The following CSMD1 variants were observed in gnomAD, a reference collection of about 807,000 sequenced individuals.
The protein encoded by CSMD1 is CUB and sushi domain-containing protein 1.
Under a neutral mutation model 417.5 loss-of-function variants are expected in CSMD1, and 213 were observed. The observed-to-expected ratio is 0.51, with a 90% confidence interval of 0.46 to 0.57. CSMD1 has a LOEUF of 0.57. Ranked by LOEUF, CSMD1 falls within the 20% of genes least tolerant of loss-of-function variation. The pLI is 0.00. For missense variants in CSMD1, 6,923 were observed against 4,529.7 expected, an observed-to-expected ratio of 1.53 and a Z score of -15.17; for synonymous variants, 2,862 against 1,736.8, an observed-to-expected ratio of 1.65 and a Z score of -16.11.
intron 10 of CSMD1, among the ~76,000 whole-genome samples, chr8:3,567,162 G>A (rs540892134): frequency 1.4e-4 from 21 of 152,222 alleles, no homozygotes; most frequent in African/African-American, 5.1e-4. Context: ...GCAAACTAGC[G>A]CAGCAGCAGA....
At chr8:3,032,549 C>T (rs944227834) in intron 50 of CSMD1, among the ~76,000 whole-genome samples, 4 of 151,996 alleles carry the variant, frequency 2.6e-5, no homozygotes, top group African/African-American at 9.7e-5. Context: ...CTGTGACTCT[C>T]GCGAGAGGGT....
At chr8:3,985,803 T>A (rs1033612351) in intron 5 of CSMD1, among the ~76,000 whole-genome samples, 3 of 151,340 alleles carry the variant, frequency 2.0e-5, no homozygotes, top group Non-Finnish European at 4.4e-5. Context: ...TCGCCCAGAT[T>A]GGACAGGGTG....
chr8:3,116,350 G>C (rs1281836957), intron 42 of CSMD1, among the ~76,000 whole-genome samples: 1 of 144,154 alleles, frequency 6.9e-6, no homozygotes, highest in East Asian at 1.9e-4. Context: ...TAAAGAACTT[G>C]GCATGGATCA....
intron 1 of CSMD1, among the ~76,000 whole-genome samples, chr8:4,985,519 TC>T (rs1811133178): frequency 6.6e-6 from 1 of 152,162 alleles, no homozygotes; most frequent in South Asian, 2.1e-4. Context: ...AGTCAAGTCT[TC>T]CCAATTCTCT....
intron 2 of CSMD1, among the ~76,000 whole-genome samples, chr8:4,550,613 A>C (rs961096260): frequency 2.0e-5 from 3 of 152,200 alleles, no homozygotes; most frequent in African/African-American, 7.2e-5. Flanking sequence ...TTAAATAGGT[A>C]ATGAAATCAT....
chr8:4,596,184 A>G (rs1174734318), intron 2 of CSMD1, among the ~76,000 whole-genome samples: 1 of 152,192 alleles, frequency 6.6e-6, no homozygotes, highest in Non-Finnish European at 1.5e-5. Context: ...ATACCCACTG[A>G]CATCAAGTAA....
chr8:3,855,337 G>C (rs574553739), intron 5 of CSMD1, among the ~76,000 whole-genome samples: 1 of 151,946 alleles, frequency 6.6e-6, no homozygotes, highest in East Asian at 1.9e-4. Context: ...CATCCAGAAG[G>C]AAATACACTC....
chr8:3,708,981 G>C (rs1563295697), intron 6 of CSMD1, among the ~76,000 whole-genome samples: 1 of 152,090 alleles, frequency 6.6e-6, no homozygotes, highest in African/African-American at 2.4e-5. Context: ...GCAAGTAGAG[G>C]AAAGGCATGC....
intron 5 of CSMD1, among the ~76,000 whole-genome samples, chr8:3,915,357 G>A (rs1483587469): frequency 7.3e-6 from 1 of 136,262 alleles, no homozygotes; most frequent in East Asian, 2.3e-4. Flanking sequence ...AGTGAGCTTA[G>A]ATAGTGCCAC....
In CSMD1 at chr8:3,319,009, C is replaced by G. The variant is rs763985798; in HGVS notation, c.3632-10506G>C. On this transcript the variant is annotated intron_variant, in intron 23 of 69. Transcript: ENST00000635120. ...ACCCAGAAACACAACAACACAGATT[C>G]AGCCATTCCTATGGATCACTCCCTT... Among the ~76,000 whole-genome samples the G allele has an allele frequency of 6.1e-4, 93 of 152,328 alleles. 1 individual carries two copies. The highest frequency in any genetic ancestry group is 1.7e-3 in the South Asian group (8 of 4,818).
intron 3 of CSMD1, among the ~76,000 whole-genome samples, chr8:4,047,529 A>C (rs941229165): frequency 6.6e-6 from 1 of 151,816 alleles, no homozygotes; most frequent in African/African-American, 2.4e-5. Context: ...TCATTCATTC[A>C]TTCATTCATT....
Position 4,068,400 on chromosome 8 carries a change from C to A in CSMD1, c.416-36301G>T, listed in dbSNP as rs1334745569. ...ATGGGAGTGTGACTTTTATTTCACA[C>A]TGGGGAGAGACATGAAAAGCACGGT... On this transcript the variant is annotated intron_variant, in intron 3 of 69. Coordinates refer to ENST00000635120, the MANE Select transcript of CSMD1 (RefSeq NM_033225.6). Among the ~76,000 whole-genome samples the A allele has an allele frequency of 1.3e-5, 2 of 152,100 alleles. 1 individual carries two copies. The highest frequency in any genetic ancestry group is 4.1e-4 in the South Asian group (2 of 4,822).
intron 3 of CSMD1, among the ~76,000 whole-genome samples, chr8:4,084,598 G>C (rs534868255): frequency 6.6e-6 from 1 of 152,124 alleles, no homozygotes; most frequent in South Asian, 2.1e-4. Context: ...TTGGGAGAGA[G>C]AAAATGAAAG....
At chr8:3,460,804 T>C (rs1348116326) in intron 12 of CSMD1, among the ~76,000 whole-genome samples, 2 of 152,214 alleles carry the variant, frequency 1.3e-5, no homozygotes, top group Non-Finnish European at 2.9e-5. Context: ...TAGACAATGA[T>C]GCCGCACTCT....
intron 3 of CSMD1, among the ~76,000 whole-genome samples, chr8:4,371,824 G>C (rs1259169063): frequency 1.3e-5 from 2 of 152,156 alleles, no homozygotes; most frequent in African/African-American, 2.4e-5. Flanking sequence ...TTGTAGTGGA[G>C]GAACAGGGTC....
chr8:3,139,784 G>C (rs184030380), intron 41 of CSMD1, among the ~76,000 whole-genome samples: 88 of 152,208 alleles, frequency 5.8e-4, no homozygotes, highest in African/African-American at 2.0e-3. Flanking sequence ...ATGGATAGTA[G>C]CTGAAAATGC....
At chr8:4,420,293 G>C (rs1019753000) in intron 2 of CSMD1, among the ~76,000 whole-genome samples, 13 of 151,944 alleles carry the variant, frequency 8.6e-5, no homozygotes, top group African/African-American at 2.9e-4. Flanking sequence ...ATTTCTTCTT[G>C]AAAATACTTA....
intron 40 of CSMD1, among the ~76,000 whole-genome samples, chr8:3,148,386 G>T (rs1818978168): frequency 6.6e-6 from 1 of 152,138 alleles, no homozygotes; most frequent in African/African-American, 2.4e-5. Flanking sequence ...ATAAGGCAAG[G>T]TTCAGAGAAA....
intron 1 of CSMD1, among the ~76,000 whole-genome samples, chr8:4,961,102 G>C (rs1809451537): frequency 6.6e-6 from 1 of 152,006 alleles, no homozygotes; most frequent in African/African-American, 2.4e-5. Context: ...TACCTCATTA[G>C]GACTATAAAA....
Sources: allele counts gnomAD v4.1 joint callset (sites outside exome capture counted in the v4.1 genomes callset), GRCh38; gene constraint gnomAD v4.1.1; transcripts MANE v1.5; gene names NCBI Gene and HGNC (gene_info 2026-07-23, HGNC 2026-07-21).